Variants in RBFOX1 observed in about 807,000 individuals in gnomAD.
RBFOX1 encodes RNA binding protein fox-1 homolog 1.
RBFOX1 carries 8 observed loss-of-function variants against 57.7 expected under a neutral mutation model. That is an observed-to-expected ratio of 0.14 (90% CI 0.08 to 0.25). RBFOX1 has a LOEUF of 0.25. Ranked by LOEUF, RBFOX1 falls within the 10% of genes least tolerant of loss-of-function variation. RBFOX1 has a pLI of 1.00. For missense variants in RBFOX1, 611 were observed against 548.5 expected (o/e 1.11, Z -1.14); for synonymous variants, 326 against 222.4 (o/e 1.47, Z -4.15).
chr16:6,247,808 G>C (rs2097577495), intron 1 of RBFOX1, among the ~76,000 whole-genome samples: 1 of 152,210 alleles, frequency 6.6e-6, no homozygotes, highest in African/African-American at 2.4e-5. Flanking sequence ...GACAGAGAGG[G>C]AGAGAGAAAA....
At chr16:7,309,598 A>G (rs1318960271) in intron 4 of RBFOX1, among the ~76,000 whole-genome samples, 4 of 152,184 alleles carry the variant, frequency 2.6e-5, no homozygotes, top group Admixed American at 2.6e-4. Flanking sequence ...ATTCTCCAGT[A>G]GCTGATGGAC....
intron 3 of RBFOX1, among the ~76,000 whole-genome samples, chr16:6,722,297 C>T (rs1384309544): frequency 1.3e-5 from 2 of 150,108 alleles, no homozygotes; most frequent in South Asian, 4.3e-4. Flanking sequence ...TCTCCACAGC[C>T]TCGCCAACTT....
rs540098228 is a variant in RBFOX1, at chr16:6,587,368, G to C, written c.-63-67235G>C. ...GCCATCCTAGCTCACAGCAAACTTCGCCTCCCAGGATCAAGCAATTCTCCT... is the reference window on the plus strand; with the variant it reads ...GCCATCCTAGCTCACAGCAAACTTCCCCTCCCAGGATCAAGCAATTCTCCT... On this transcript the variant is annotated intron_variant, in intron 2 of 15. Transcript: ENST00000550418. 2.6e-5 allele frequency among the ~76,000 whole-genome samples: 4 copies of C among 151,976 alleles called. No individual in the cohort carries two copies. The East Asian group carries it at 7.7e-4, about 29-fold the overall frequency.
intron 4 of RBFOX1, among the ~76,000 whole-genome samples, chr16:7,100,859 C>T (rs891180877): frequency 6.6e-6 from 1 of 152,248 alleles, no homozygotes; most frequent in Non-Finnish European, 1.5e-5. Context: ...AAGGGCAATA[C>T]TATACTGAAT....
chr16:5,968,624 A>AT (rs886208191), intron 4 of RBFOX1, among the ~76,000 whole-genome samples: 56 of 150,568 alleles, frequency 3.7e-4, no homozygotes, highest in African/African-American at 1.1e-3. Flanking sequence ...ATGCCTGAAG[A>AT]TTTTTTTTTT....
chr16:5,616,364 G>A (rs910519122), intron 3 of RBFOX1, among the ~76,000 whole-genome samples: 3 of 152,202 alleles, frequency 2.0e-5, no homozygotes, highest in Admixed American at 6.5e-5. Flanking sequence ...TCTGGGCCCA[G>A]CTTGTCTGCG....
At position 7,650,703 on chromosome 16, in the gene RBFOX1, G is replaced by C. The variant is rs974066877; in HGVS notation, c.758-3112G>C. ...GGCTCCATAGCCAGTGACAATGAAT[G>C]GGTCAGCATAATTACCGTGTTTCCT... On this transcript the variant is annotated intron_variant, in intron 11 of 15. Transcript: ENST00000550418. Among the ~76,000 whole-genome samples the C allele has an allele frequency of 5.3e-5, 8 of 152,200 alleles. No individual in the cohort carries two copies. The East Asian group carries it at 1.5e-3, about 29-fold the overall frequency.
intron 3 of RBFOX1, among the ~76,000 whole-genome samples, chr16:6,731,850 A>T (rs1007910010): frequency 3.9e-5 from 6 of 152,086 alleles, no homozygotes; most frequent in African/African-American, 9.7e-5. Context: ...TCCTTGGCTC[A>T]TTGTCTGCCT....
chr16:5,373,436 G>A (rs2065908310), intron 1 of RBFOX1, among the ~76,000 whole-genome samples: 1 of 152,052 alleles, frequency 6.6e-6, no homozygotes, highest in Admixed American at 6.6e-5. Context: ...ACATCTGGTT[G>A]TTTAAAAGTG....
rs528948864 is a variant in RBFOX1, at chr16:5,247,532, G to C, written c.219+7427G>C. Among the ~76,000 whole-genome samples the C allele has an allele frequency of 3.3e-5, 5 of 152,296 alleles. No homozygotes were observed. The East Asian group carries it at 9.6e-4, about 29-fold the overall frequency. On this transcript the variant is annotated intron_variant, in intron 1 of 2. Transcript: ENST00000585867. ...GGTCTACAAGATGGATGGGTCCTTGGAGATCACGCTGTAGCAGAGGAGGCA... is the reference window on the plus strand; with the variant it reads ...GGTCTACAAGATGGATGGGTCCTTGCAGATCACGCTGTAGCAGAGGAGGCA...
chr16:5,799,299 A>G (rs1430966359), intron 3 of RBFOX1, among the ~76,000 whole-genome samples: 1 of 152,092 alleles, frequency 6.6e-6, no homozygotes, highest in Non-Finnish European at 1.5e-5. Flanking sequence ...AACACATGGG[A>G]ATTATGGGAG....
At chr16:7,637,145 C>G (rs897133175) in intron 11 of RBFOX1, among the ~76,000 whole-genome samples, 2 of 151,956 alleles carry the variant, frequency 1.3e-5, no homozygotes, top group Non-Finnish European at 2.9e-5. Flanking sequence ...TGCCAATGAG[C>G]GCGTTTTCCA....
rs550930941 is a variant in RBFOX1 at position 5,487,099 on chromosome 16, TCAGGCAAGCC to T, written c.258+19847_258+19856del. 1.5e-3 allele frequency among the ~76,000 whole-genome samples: 235 copies of T among 152,300 alleles called. 1 individual carries two copies. Among genetic ancestry groups the T allele is most frequent in the Non-Finnish European group, 2.5e-3 (172 of 68,022 alleles). On this transcript the variant is annotated intron_variant, in intron 2 of 2. Transcript: ENST00000585867. ...AGGGATCAGTGTAGGTGTCATTTCC[TCAGGCAAGCC>T]CTCCGGGAGTTCTCCAGACAATGTC...
chr16:6,040,681 GC>G (rs1242712839), intron 1 of RBFOX1, among the ~76,000 whole-genome samples: 8 of 151,854 alleles, frequency 5.3e-5, no homozygotes, highest in African/African-American at 1.9e-4. Flanking sequence ...TGCAAACTCT[GC>G]CTCCTGAGTT....
intron 3 of RBFOX1, among the ~76,000 whole-genome samples, chr16:5,779,917 C>G (rs1314608993): frequency 2.0e-5 from 3 of 152,168 alleles, no homozygotes; most frequent in African/African-American, 7.2e-5. Context: ...GGTAATCATA[C>G]TGATCTGAGA....
At chr16:5,708,297 T>G (rs1026730430) in intron 3 of RBFOX1, among the ~76,000 whole-genome samples, 2 of 152,164 alleles carry the variant, frequency 1.3e-5, no homozygotes, top group African/African-American at 4.8e-5. Flanking sequence ...TATGAGGCAC[T>G]GTCCTAGGTG....
At chr16:7,453,837 C>G (rs1199499202) in intron 4 of RBFOX1, among the ~76,000 whole-genome samples, 1 of 152,084 alleles carries the variant, frequency 6.6e-6, no homozygotes, top group African/African-American at 2.4e-5. Flanking sequence ...GATGGCATTC[C>G]TAGAGTTCAT....
chr16:6,296,547 T>A (rs193028800), intron 1 of RBFOX1, among the ~76,000 whole-genome samples: 262 of 152,012 alleles, frequency 1.7e-3, no homozygotes, highest in Middle Eastern at 6.8e-3. Flanking sequence ...CAGCCTCCCG[T>A]GTAGCTGGGA....
At chr16:6,804,133 A>G (rs2086148704) in intron 3 of RBFOX1, among the ~76,000 whole-genome samples, 1 of 151,782 alleles carries the variant, frequency 6.6e-6, no homozygotes, top group African/African-American at 2.4e-5. Context: ...TCAGGCATCC[A>G]AGTAGCTGGG....
Sources: allele counts gnomAD v4.1 joint callset (sites outside exome capture counted in the v4.1 genomes callset), GRCh38; gene constraint gnomAD v4.1.1; transcripts MANE v1.5; gene names NCBI Gene and HGNC (gene_info 2026-07-23, HGNC 2026-07-21).